FKBP5: variants seen among roughly 807,000 people sequenced by gnomAD.
FKBP5 encodes the protein peptidyl-prolyl cis-trans isomerase FKBP5.
A neutral mutation model predicts 50.5 loss-of-function variants in FKBP5; 23 were observed. The ratio of observed to expected loss-of-function variants is 0.46; its 90% CI spans 0.33 to 0.65. The LOEUF is 0.65. Ranked by LOEUF, FKBP5 falls within the 30% of genes least tolerant of loss-of-function variation. The probability of loss-of-function intolerance (pLI) is 0.02; values close to 1 mark genes in which losing one functional copy is unlikely to be tolerated. For synonymous variants in FKBP5, 176 were observed against 190.6 expected (o/e 0.92, Z 0.63); for missense variants, 411 against 553.1 (o/e 0.74, Z 2.58).
chr6:35,620,221 T>A lies in FKBP5; in HGVS notation c.304A>T (p.Ile102Leu). Residue 102 changes from isoleucine (I) to leucine (L), a missense_variant, in exon 4 of 11, where the codon ATA (isoleucine) becomes TTA (leucine). Ile to Leu is a conservative substitution (Grantham distance 5). Coordinates refer to ENST00000357266, the MANE Select transcript of FKBP5 (RefSeq NM_004117.4). ...IGVATMKKGE[I>L]CHLLCKPEYA... ...TCTGGTTTGCACAGTAAATGGCATA[T>A]CTCTCCTTTCTTCATGGTAGCCACC... 1 of 1,614,188 alleles carries A rather than the reference T, an allele frequency of 6.2e-7. No individual in the cohort carries two copies. The highest frequency in any genetic ancestry group is 1.1e-5 in the South Asian group (1 of 91,088).
At chr6:35,710,782 A>T (rs1269649686) in intron 2 of FKBP5, among the ~76,000 whole-genome samples, 1 of 152,254 alleles carries the variant, frequency 6.6e-6, no homozygotes, top group Non-Finnish European at 1.5e-5. Flanking sequence ...ACTATGGTAT[A>T]ACCATCTAGT....
intron 5 of FKBP5, among the ~76,000 whole-genome samples, chr6:35,603,630 T>A (rs1421929780): frequency 1.0e-5 from 1 of 99,500 alleles, no homozygotes; most frequent in African/African-American, 4.5e-5. Flanking sequence ...AATGGCCAAT[T>A]GGCTGGAATT....
At chr6:35,645,442 AAAAAAGAGAG>A (rs1764603648) in intron 1 of FKBP5, among the ~76,000 whole-genome samples, 1 of 152,246 alleles carries the variant, frequency 6.6e-6, no homozygotes, top group Admixed American at 6.5e-5. Flanking sequence ...TTAAAAGATA[AAAAAAGAGAG>A]AGAAAGAGAG....
At chr6:35,626,805 T>C (rs1467295546) in intron 3 of FKBP5, among the ~76,000 whole-genome samples, 1 of 152,244 alleles carries the variant, frequency 6.6e-6, no homozygotes, top group East Asian at 1.9e-4. Flanking sequence ...TTGTAGCATC[T>C]GCCAGAATTT....
chr6:35,582,592 T>G, intron 8 of FKBP5: 2 of 891,572 alleles, frequency 2.2e-6, no homozygotes, highest in Non-Finnish European at 2.7e-6. Context: ...AACACCTTGA[T>G]CTGGGACTTA....
rs1216907662 is a variant in FKBP5, at chr6:35,607,525, C to T, written c.509-10121G>A. The T allele has an allele frequency of 2.0e-5, 3 of 152,228 alleles. No individual in the cohort carries two copies. In the East Asian group the frequency reaches 5.8e-4, roughly 29 times the overall value. The allele number at this position is 152,228 out of a possible 1,614,324, so 9.4% of individuals were successfully genotyped here. A position where few individuals can be genotyped will look rare whatever the true frequency, so the allele number is the denominator to read the frequency against. ...ACTTACTCTTAAGCACAGTTATATT[C>T]TTAATAGCAAAGACACGGAGTCAAC... On this transcript the variant is annotated intron_variant, in intron 5 of 10. Coordinates refer to ENST00000357266, the MANE Select transcript of FKBP5 (RefSeq NM_004117.4).
chr6:35,709,622 G>C (rs968626775), intron 2 of FKBP5, among the ~76,000 whole-genome samples: 1 of 152,126 alleles, frequency 6.6e-6, no homozygotes, highest in African/African-American at 2.4e-5. Flanking sequence ...AACATAGTTT[G>C]ATGAAACTAT....
At chr6:35,583,495 GACTTCA>G in intron 8 of FKBP5, 2 of 985,376 alleles carry the variant, frequency 2.0e-6, no homozygotes, top group Non-Finnish European at 2.4e-6. Flanking sequence ...ACTTTATTTA[GACTTCA>G]ACTTCCAATT....
chr6:35,586,315 A>G (rs780634724), intron 8 of FKBP5: 27 of 985,286 alleles, frequency 2.7e-5, no homozygotes, highest in Non-Finnish European at 3.1e-5. Context: ...TATGATGAAT[A>G]TCATTCAGGA....
intron 1 of FKBP5, among the ~76,000 whole-genome samples, chr6:35,652,899 C>A (rs1764849107): frequency 6.6e-6 from 1 of 152,064 alleles, no homozygotes; most frequent in Admixed American, 6.6e-5. Flanking sequence ...CCCCGGACGC[C>A]CAGCTTTAAA....
At chr6:35,681,975 G>A (rs1321490705) in intron 1 of FKBP5, among the ~76,000 whole-genome samples, 1 of 152,050 alleles carries the variant, frequency 6.6e-6, no homozygotes, top group Non-Finnish European at 1.5e-5. Flanking sequence ...ATCTAAGATG[G>A]GAAAGATGAG....
chr6:35,622,730 T>C (rs1016037549), intron 3 of FKBP5, among the ~76,000 whole-genome samples: 13 of 152,184 alleles, frequency 8.5e-5, no homozygotes, highest in Non-Finnish European at 5.9e-5. Flanking sequence ...TTATTATATA[T>C]CTTCATCCTC....
At position 35,667,475 on chromosome 6, in the gene FKBP5, A is replaced by G. The variant is rs552843547; in HGVS notation, c.-20+21329T>C. On this transcript the variant is annotated intron_variant, in intron 1 of 10. Coordinates refer to ENST00000357266, the MANE Select transcript of FKBP5 (RefSeq NM_004117.4). ...TAGAATCATTATATCAACCAAAAAG[A>G]ATCCTTAAAATGATTAACCCGTTTC... Among the ~76,000 whole-genome samples the G allele has an allele frequency of 8.7e-4, 133 of 152,368 alleles. 2 individuals carry two copies. The highest frequency in any genetic ancestry group is 1.5e-3 in the Non-Finnish European group (105 of 68,034).
chr6:35,688,554 C>T (rs1765904074), intron 1 of FKBP5, among the ~76,000 whole-genome samples: 2 of 151,058 alleles, frequency 1.3e-5, no homozygotes, highest in Non-Finnish European at 3.0e-5. Flanking sequence ...GCGCCTCCCG[C>T]GGGGAGCACC....
chr6:35,605,271 T>A (rs1038754362), intron 5 of FKBP5, among the ~76,000 whole-genome samples: 2 of 149,328 alleles, frequency 1.3e-5, no homozygotes, highest in African/African-American at 4.9e-5. Context: ...TCAGAATCAA[T>A]CAGCATAAAG....
At chr6:35,605,432 A>G (rs1280649658) in intron 5 of FKBP5, among the ~76,000 whole-genome samples, 1 of 87,454 alleles carries the variant, frequency 1.1e-5, no homozygotes. Flanking sequence ...GTCTTATTCC[A>G]TTGCCCAGGC....
chr6:35,583,201 CCT>C (rs1762494412), intron 8 of FKBP5: 2 of 985,362 alleles, frequency 2.0e-6, no homozygotes, highest in Non-Finnish European at 2.4e-6. Context: ...AGGCATTTCC[CCT>C]GTCATGCCTC....
chr6:35,580,136 G>A lies in FKBP5; in HGVS notation c.926C>T (p.Ser309Leu), dbSNP rs200847512. 9.2e-5 allele frequency: 148 copies of A among 1,613,894 alleles called. No homozygotes were observed. The highest frequency in any genetic ancestry group is 1.2e-4 in the Non-Finnish European group (140 of 1,179,824). ...AAGGAGAAATGATTCAGAAGCTTTC[G>A]ATTCCTTTTCTGATAAACCATATTC... ...EMEYGLSEKE[S>L]KASESFLLAA... The change falls in exon 9 of 11, where the codon TCG (serine) becomes TTG (leucine). Residue 309 changes from serine (S) to leucine (L), a missense_variant. Ser to Leu is a moderately radical substitution (Grantham distance 145). This residue lies in a region of FKBP5 where 267 missense variants were observed against 405.9 expected (regional missense o/e 0.66). Transcript: ENST00000357266.
At chr6:35,683,457 G>GTA (rs1422089912) in intron 1 of FKBP5, among the ~76,000 whole-genome samples, 23 of 150,350 alleles carry the variant, frequency 1.5e-4, no homozygotes, top group Middle Eastern at 3.5e-3. Flanking sequence ...ATCATGCCTG[G>GTA]TATATATATA....
Sources: gnomAD v4.1 joint callset for allele counts (sites outside exome capture counted in the v4.1 genomes callset) on GRCh38, gnomAD v4.1.1 for gene constraint, gnomAD v4.1.1 regional missense constraint, MANE v1.5 for transcripts, NCBI Gene and HGNC (gene_info 2026-07-23, HGNC 2026-07-21) for gene names.